Variants in PRKG1 observed in about 807,000 individuals in gnomAD.
PRKG1 encodes cGMP-dependent protein kinase 1.
In PRKG1, 35 loss-of-function variants were observed where a neutral mutation model predicts 88.1. The ratio of observed to expected loss-of-function variants is 0.40; its 90% CI spans 0.30 to 0.53. The LOEUF (loss-of-function observed/expected upper bound fraction) is 0.53, where lower values mean the gene tolerates loss of function less well. PRKG1 is among the 20% of genes least tolerant of loss of function. The pLI is 0.59. For missense variants in PRKG1, 540 were observed against 839.8 expected, an observed-to-expected ratio of 0.64 and a Z score of 4.41; for synonymous variants, 303 against 292.5, an observed-to-expected ratio of 1.04 and a Z score of -0.37.
At position 51,213,877 on chromosome 10, in the gene PRKG1, T is replaced by C. The variant is rs151074853; in HGVS notation, c.478+60547T>C. ...GGAAGTTGTTTTATTCATGTGTTAT[T>C]TGATGAGATATTTCTAGCATCTTGA... is the stretch of plus-strand genomic sequence containing the variant. On this transcript the variant is annotated intron_variant, in intron 2 of 17. Coordinates refer to ENST00000373980, the MANE Select transcript of PRKG1 (RefSeq NM_006258.4). 1.0e-3 allele frequency among the ~76,000 whole-genome samples: 156 copies of C among 152,222 alleles called. 1 individual carries two copies. The East Asian group carries it at 0.026, about 26-fold the overall frequency.
At chr10:51,260,996 C>T (rs1391082803) in intron 2 of PRKG1, among the ~76,000 whole-genome samples, 17 of 152,086 alleles carry the variant, frequency 1.1e-4, no homozygotes, top group Admixed American at 1.1e-3. Flanking sequence ...CTTAAACTGG[C>T]ATATATAAGC....
intron 2 of PRKG1, among the ~76,000 whole-genome samples, chr10:51,353,110 T>C (rs1842289215): frequency 6.6e-6 from 1 of 152,046 alleles, no homozygotes; most frequent in Non-Finnish European, 1.5e-5. Context: ...GAATGATGCT[T>C]AATCCCTCTC....
intron 5 of PRKG1, among the ~76,000 whole-genome samples, chr10:51,975,671 T>C (rs1009706698): frequency 3.3e-5 from 5 of 152,104 alleles, no homozygotes; most frequent in Non-Finnish European, 5.9e-5. Context: ...GTCAGGTTGA[T>C]AGTACTGTAT....
At chr10:51,094,636 C>G (rs1844486080) in intron 1 of PRKG1, among the ~76,000 whole-genome samples, 1 of 151,546 alleles carries the variant, frequency 6.6e-6, no homozygotes, top group South Asian at 2.1e-4. Context: ...GGGCAGCGCT[C>G]CATAAAAAAA....
chr10:51,427,100 T>C (rs1237838419), intron 2 of PRKG1, among the ~76,000 whole-genome samples: 2 of 152,162 alleles, frequency 1.3e-5, no homozygotes, highest in Admixed American at 1.3e-4. Flanking sequence ...CCACAGCTAT[T>C]AGCTCCAAGA....
chr10:51,401,674 G>A (rs1837743388), intron 2 of PRKG1, among the ~76,000 whole-genome samples: 1 of 152,208 alleles, frequency 6.6e-6, no homozygotes, highest in East Asian at 1.9e-4. Context: ...AAGGCATCCT[G>A]AAAAGCATAA....
rs543678570 is a variant in PRKG1, at chr10:52,180,544, G to T, written c.1076+18581G>T. Among the ~76,000 whole-genome samples the T allele has an allele frequency of 3.3e-5, 5 of 152,296 alleles. No homozygotes were observed. The South Asian group carries it at 1.0e-3, about 32-fold the overall frequency. On this transcript the variant is annotated intron_variant, in intron 9 of 17. Coordinates refer to ENST00000373980, the MANE Select transcript of PRKG1 (RefSeq NM_006258.4). ...AGGTTGGATAGGGAAAGATTTTACT[G>T]ATGTATGTGGGTCTTAGGATGTTGG...
chr10:52,204,296 G>A (rs1301044382), intron 9 of PRKG1, among the ~76,000 whole-genome samples: 2 of 151,920 alleles, frequency 1.3e-5, no homozygotes, highest in Non-Finnish European at 2.9e-5. Context: ...ATGTTGGCCA[G>A]GCTGGTCTCA....
intron 5 of PRKG1, among the ~76,000 whole-genome samples, chr10:51,995,372 A>G (rs1377994381): frequency 6.6e-6 from 1 of 152,162 alleles, no homozygotes; most frequent in Non-Finnish European, 1.5e-5. Flanking sequence ...AGACAACTTA[A>G]ATTACCTTTT....
At chr10:51,417,775 A>G (rs1480694767) in intron 2 of PRKG1, among the ~76,000 whole-genome samples, 3 of 152,188 alleles carry the variant, frequency 2.0e-5, no homozygotes, top group Non-Finnish European at 2.9e-5. Flanking sequence ...TGTATTCAGT[A>G]TCCTCATCGT....
chr10:51,467,968 A>G, intron 3 of PRKG1, 132 bp downstream of exon 3: 1 of 745,584 alleles, frequency 1.3e-6, no homozygotes, highest in Non-Finnish European at 2.3e-6. Flanking sequence ...GCCCTGCAAT[A>G]TAGCTGATGT....
chr10:52,052,011 A>C (rs1326603464), intron 5 of PRKG1, among the ~76,000 whole-genome samples: 1 of 152,040 alleles, frequency 6.6e-6, no homozygotes, highest in African/African-American at 2.4e-5. Context: ...TACAACTGTA[A>C]CTCTGCTACT....
chr10:52,240,695 T>C (rs1217382275), intron 9 of PRKG1, among the ~76,000 whole-genome samples: 1 of 152,142 alleles, frequency 6.6e-6, no homozygotes, highest in Non-Finnish European at 1.5e-5. Flanking sequence ...CCAAACAACT[T>C]AACATGGTAA....
chr10:51,597,080 T>C (rs1433113258), intron 3 of PRKG1, among the ~76,000 whole-genome samples: 1 of 152,224 alleles, frequency 6.6e-6, no homozygotes. Context: ...TTAGGAAAAG[T>C]ATATTTTTTC....
chr10:51,606,818 A>G (rs1012902607), intron 3 of PRKG1, among the ~76,000 whole-genome samples: 2 of 152,144 alleles, frequency 1.3e-5, no homozygotes, highest in African/African-American at 4.8e-5. Context: ...ATGAGATCCT[A>G]TATTCAGAAG....
At chr10:51,214,891 A>G (rs1213430875) in intron 2 of PRKG1, among the ~76,000 whole-genome samples, 3 of 152,150 alleles carry the variant, frequency 2.0e-5, no homozygotes, top group Non-Finnish European at 4.4e-5. Context: ...TTACACAGAA[A>G]CCCACAGAAG....
At chr10:51,564,597 A>G (rs1205804072) in intron 3 of PRKG1, among the ~76,000 whole-genome samples, 1 of 152,130 alleles carries the variant, frequency 6.6e-6, no homozygotes, top group Non-Finnish European at 1.5e-5. Flanking sequence ...AATGCAGAGC[A>G]TATTTCATTA....
At chr10:52,056,899 A>C (rs139199217) in intron 6 of PRKG1, among the ~76,000 whole-genome samples, 1 of 152,176 alleles carries the variant, frequency 6.6e-6, no homozygotes, top group African/African-American at 2.4e-5. Flanking sequence ...TGAGGTCAGC[A>C]TACTTAAGTC....
chr10:51,387,475 T>G (rs1163800088), intron 2 of PRKG1, among the ~76,000 whole-genome samples: 1 of 151,846 alleles, frequency 6.6e-6, no homozygotes, highest in Non-Finnish European at 1.5e-5. Context: ...ATAAAGTCCT[T>G]GCAGTCCATC....
Sources: gnomAD v4.1 joint callset for allele counts (sites outside exome capture counted in the v4.1 genomes callset) on GRCh38, gnomAD v4.1.1 for gene constraint, MANE v1.5 for transcripts, NCBI Gene and HGNC (gene_info 2026-07-23, HGNC 2026-07-21) for gene names.